ART1: variants seen among roughly 807,000 people sequenced by gnomAD.
The protein encoded by ART1 is GPI-linked NAD(P)(+)--arginine ADP-ribosyltransferase 1.
Under a neutral mutation model 27.0 loss-of-function variants are expected in ART1, and 29 were observed. That is an observed-to-expected ratio of 1.08 (90% CI 0.80 to 1.47). The LOEUF (loss-of-function observed/expected upper bound fraction) is 1.47. Ranked by LOEUF, ART1 falls within the 40% of genes most tolerant of loss-of-function variation. ART1 has a pLI of 0.00. For missense variants in ART1, 480 were observed against 423.0 expected (o/e 1.13, Z -1.18); for synonymous variants, 201 against 172.2 (o/e 1.17, Z -1.31).
At chr11:3,652,588 G>A (rs1450127625) in intron 1 of ART1, among the ~76,000 whole-genome samples, 2 of 152,152 alleles carry the variant, frequency 1.3e-5, no homozygotes, top group Non-Finnish European at 2.9e-5. Flanking sequence ...TTGAGCTCCT[G>A]TATAGACGCT....
At chr11:3,648,637 G>A (rs893593162) in intron 1 of ART1, among the ~76,000 whole-genome samples, 9 of 152,276 alleles carry the variant, frequency 5.9e-5, no homozygotes, top group South Asian at 2.1e-4. Flanking sequence ...CGCCGGTCAC[G>A]GACTGGGAAG....
chr11:3,659,728 A>G lies in ART1; in HGVS notation c.209A>G (p.Gln70Arg), dbSNP rs1363880057. ...CCGGATCTCAACCACACGGAGTTCC[A>G]GGCCAACCAGGTGTATGCAGACAGC... ...ALPDLNHTEF[Q>R]ANQVYADSWT... Residue 70 changes from glutamine (Q) to arginine (R), a missense_variant, in exon 3 of 5, where the codon CAG (glutamine) becomes CGG (arginine). Coordinates refer to ENST00000250693, the MANE Select transcript of ART1 (RefSeq NM_004314.3). The G allele has an allele frequency of 6.2e-7, 1 of 1,613,946 alleles. No individual in the cohort carries two copies. The highest frequency in any genetic ancestry group is 2.2e-5 in the East Asian group (1 of 44,878).
intron 4 of ART1, 119 bp from the exon 5 acceptor site, chr11:3,663,972 AG>A (rs1564787311): frequency 2.3e-6 from 2 of 876,532 alleles, no homozygotes; most frequent in Non-Finnish European, 3.5e-6. Flanking sequence ...CAGTCTGTCC[AG>A]CTCACTCTGC....
chr11:3,660,487 C>T (rs1297558111), intron 3 of ART1, 124 bp downstream of exon 3: 1 of 1,138,764 alleles, frequency 8.8e-7, no homozygotes, highest in Non-Finnish European at 1.2e-6. Flanking sequence ...AAGTCATATC[C>T]ACCAGCTCCC....
intron 1 of ART1, among the ~76,000 whole-genome samples, chr11:3,651,651 C>T (rs2077522957): frequency 6.6e-6 from 1 of 151,928 alleles, no homozygotes; most frequent in East Asian, 1.9e-4. Context: ...TCACTCTTCA[C>T]ATTTCTCATA....
intron 1 of ART1, among the ~76,000 whole-genome samples, chr11:3,654,859 G>T (rs992164092): frequency 1.3e-5 from 2 of 152,210 alleles, no homozygotes; most frequent in Non-Finnish European, 2.9e-5. Flanking sequence ...TCCTCAGTCT[G>T]CCTTCAAGCC....
In ART1 at chr11:3,660,219, T is replaced by C; in HGVS notation, c.700T>C (p.Phe234Leu). 6.2e-7 allele frequency: 1 copy of C among 1,613,996 alleles called. No individual in the cohort carries two copies. The highest frequency in any genetic ancestry group is 1.1e-5 in the South Asian group (1 of 91,084). Residue 234 changes from phenylalanine to leucine, a missense_variant, in exon 3 of 5, where the codon TTC (phenylalanine) becomes CTC (leucine). Coordinates refer to ENST00000250693, the MANE Select transcript of ART1 (RefSeq NM_004314.3). The part of the protein sequence containing the change: ...CLGAPIKGYS[F>L]FPGEEEVLIP... Reference sequence around the variant, plus strand: ...TGGGGCCCCTATCAAGGGCTACTCCTTCTTCCCTGGAGAGGAAGAGGTGCT... The same window carrying C: ...TGGGGCCCCTATCAAGGGCTACTCCCTCTTCCCTGGAGAGGAAGAGGTGCT...
chr11:3,657,533 C>T (rs528088508), intron 1 of ART1, among the ~76,000 whole-genome samples: 6 of 152,200 alleles, frequency 3.9e-5, no homozygotes, highest in Admixed American at 3.3e-4. Flanking sequence ...TATGATTGTG[C>T]CACTGCACTC....
intron 1 of ART1, among the ~76,000 whole-genome samples, chr11:3,657,760 A>T (rs987882243): frequency 1.3e-5 from 2 of 152,178 alleles, no homozygotes; most frequent in Admixed American, 1.3e-4. Flanking sequence ...ACTTCTCAAA[A>T]TCTTTCCTAT....
intron 4 of ART1, among the ~76,000 whole-genome samples, chr11:3,661,642 G>A (rs755784601): frequency 2.0e-5 from 3 of 151,900 alleles, no homozygotes; most frequent in Non-Finnish European, 2.9e-5. Flanking sequence ...GATTACAGGC[G>A]CATGCCACCA....
intron 1 of ART1, among the ~76,000 whole-genome samples, chr11:3,650,861 G>A (rs1444578692): frequency 7.6e-5 from 10 of 131,226 alleles, no homozygotes; most frequent in Admixed American, 9.2e-5. Flanking sequence ...TTCCTCCTTC[G>A]CGACCGATCA....
intron 1 of ART1, among the ~76,000 whole-genome samples, chr11:3,652,728 G>A (rs960644355): frequency 5.3e-5 from 8 of 151,524 alleles, no homozygotes; most frequent in Admixed American, 2.0e-4. Flanking sequence ...ACTCATACAT[G>A]TCCTGCTCTT....
At chr11:3,653,396 G>T (rs545864789) in intron 1 of ART1, among the ~76,000 whole-genome samples, 3 of 147,944 alleles carry the variant, frequency 2.0e-5, no homozygotes, top group Admixed American at 1.3e-4. Context: ...CCTTCTCCTG[G>T]CTCATCCTGG....
chr11:3,647,943 AAG>A (rs2077483315), intron 1 of ART1, among the ~76,000 whole-genome samples: 1 of 152,186 alleles, frequency 6.6e-6, no homozygotes, highest in Non-Finnish European at 1.5e-5. Flanking sequence ...TGGGCAATAA[AAG>A]AGGTGTCAGG....
intron 4 of ART1, among the ~76,000 whole-genome samples, chr11:3,661,904 G>A (rs2077624410): frequency 6.6e-6 from 1 of 152,226 alleles, no homozygotes; most frequent in African/African-American, 2.4e-5. Flanking sequence ...ATGAGTGTGT[G>A]GGAGAGCAGA....
intron 1 of ART1, among the ~76,000 whole-genome samples, chr11:3,656,179 C>G (rs1380460734): frequency 6.6e-6 from 1 of 151,806 alleles, no homozygotes; most frequent in African/African-American, 2.4e-5. Context: ...GGTGATCCAC[C>G]CGCCTTGGCC....
intron 4 of ART1, among the ~76,000 whole-genome samples, chr11:3,661,866 C>G (rs1031048281): frequency 2.0e-5 from 3 of 152,180 alleles, no homozygotes; most frequent in Non-Finnish European, 4.4e-5. Flanking sequence ...GAAGTGGCAC[C>G]TTGGGGGTTG....
At chr11:3,646,800 C>A (rs1432243062) in intron 1 of ART1, among the ~76,000 whole-genome samples, 1 of 152,160 alleles carries the variant, frequency 6.6e-6, no homozygotes, top group African/African-American at 2.4e-5. Context: ...AGTGAACTCA[C>A]CATTTCCCCT....
chr11:3,655,314 G>A (rs188340948), intron 1 of ART1, among the ~76,000 whole-genome samples: 15 of 122,856 alleles, frequency 1.2e-4, no homozygotes, highest in Middle Eastern at 4.6e-3. Flanking sequence ...ACAAGTCAGG[G>A]AGCGGCAAAG....
Sources: gnomAD v4.1 joint callset for allele counts (sites outside exome capture counted in the v4.1 genomes callset) on GRCh38, gnomAD v4.1.1 for gene constraint, MANE v1.5 for transcripts, NCBI Gene and HGNC (gene_info 2026-07-23, HGNC 2026-07-21) for gene names.